TIFA: variants seen among roughly 807,000 people sequenced by gnomAD.
TIFA encodes the protein TRAF-interacting protein with FHA domain-containing protein A.
For synonymous variants in TIFA, 75 were observed against 79.2 expected (o/e 0.95, Z 0.28); for missense variants, 186 against 215.2 (o/e 0.86, Z 0.85).
At chr4:112,281,706 T>C (rs1447769887) in intron 1 of TIFA, 2 of 123,802 alleles carry the variant, frequency 1.6e-5, no homozygotes, top group African/African-American at 3.7e-5. Flanking sequence ...TAAAAGCCAC[T>C]GTGTAGTTCC....
chr4:112,278,093 T>C lies in TIFA; in HGVS notation c.324A>G (p.Lys108=), dbSNP rs756973232. ...CCATGCACCTGTATGGCAGGTCCAT[T>C]TTATTTAGGTAGCCCAGCTCTCTGC... ...VDSRELGYLN[K]MDLPYRCMVR... Residue 108 remains lysine (K), a synonymous_variant, in exon 2 of 2, where the codon AAA becomes AAG. Transcript: ENST00000361717. 4.3e-6 allele frequency: 7 copies of C among 1,613,956 alleles called. No individual in the cohort carries two copies. Among genetic ancestry groups the C allele is most frequent in the Non-Finnish European group, 5.1e-6 (6 of 1,179,984 alleles).
rs1470410169 is a variant in TIFA, at chr4:112,278,009, A to C, written c.408T>G (p.Phe136Leu). Residue 136 changes from phenylalanine (F) to leucine (L), a missense_variant, in exon 2 of 2, where the codon TTT becomes TTG. By Grantham distance (22) the Phe-to-Leu change is conservative. Transcript: ENST00000361717. ...GAGATAAAATAAATTGAGTCTCAAAAAATTCCAATGACTCGCCATCTTCCT... is the reference window on the plus strand; with the variant it reads ...GAGATAAAATAAATTGAGTCTCAAACAATTCCAATGACTCGCCATCTTCCT... ...MEKEDGESLE[F>L]FETQFILSPR... The C allele has an allele frequency of 6.2e-7, 1 of 1,614,056 alleles. No individual in the cohort carries two copies. The highest frequency in any genetic ancestry group is 2.2e-5 in the East Asian group (1 of 44,874).
In TIFA at chr4:112,276,559, C is replaced by CCA. The variant is rs1237346155; in HGVS notation, c.*1301_*1302dup. The CCA allele has an allele frequency of 3.3e-5, 5 of 152,450 alleles. No individual in the cohort carries two copies. Among genetic ancestry groups the CCA allele is most frequent in the Admixed American group, 2.0e-4 (3 of 15,274 alleles). 9.4% of individuals were successfully genotyped at this position (152,450 alleles called of 1,614,324 possible). ...AACAGGAAAACCAGACACAGGAACTCCAACAGTCATTCAGGCCACTTTGTA... is the reference window on the plus strand; with the variant it reads ...AACAGGAAAACCAGACACAGGAACTCCACAACAGTCATTCAGGCCACTTTGTA... On this transcript the variant is annotated 3_prime_UTR_variant, in exon 2 of 2. Coordinates refer to ENST00000361717, the MANE Select transcript of TIFA (RefSeq NM_052864.3).
intron 1 of TIFA, among the ~76,000 whole-genome samples, chr4:112,284,317 A>G (rs4834253): frequency 0.59 from 89,091 of 151,576 alleles, 27,381 homozygotes; most frequent in African/African-American, 0.77. Flanking sequence ...ACACACACGT[A>G]CACACACACT....
intron 1 of TIFA, among the ~76,000 whole-genome samples, chr4:112,280,645 C>A (rs568235325): frequency 1.3e-5 from 2 of 152,192 alleles, no homozygotes; most frequent in African/African-American, 4.8e-5. Context: ...GCCACCGTTC[C>A]CAGCCCTGCT....
Position 112,284,290 on chromosome 4 carries a change from AACACAC to A in TIFA, c.-19+1344_-19+1349del, listed in dbSNP as rs10522966. Among the ~76,000 whole-genome samples, 527 of 149,536 alleles carry A rather than the reference AACACAC, an allele frequency of 3.5e-3. 2 individuals carry two copies. Among genetic ancestry groups the A allele is most frequent in the African/African-American group, 0.011 (463 of 40,816 alleles). ...ACCTCTGCTACCCTCCCTGCAACACAACACACACACACACACACACACACGTACACA... is the reference window on the plus strand; with the variant it reads ...ACCTCTGCTACCCTCCCTGCAACACAACACACACACACACACACGTACACA... On this transcript the variant is annotated intron_variant, in intron 1 of 1. Transcript: ENST00000361717.
chr4:112,284,709 C>T (rs1233543666), intron 1 of TIFA, among the ~76,000 whole-genome samples: 1 of 151,718 alleles, frequency 6.6e-6, no homozygotes, highest in African/African-American at 2.4e-5. Context: ...TAACGAATAC[C>T]GAACACTGAG....
rs1727121838 is a variant in TIFA at position 112,276,702 on chromosome 4, T to C, written c.*1160A>G. ...ACTGACAGTCTGAATCAAGATGAGG[T>C]TTAAAGCCTCTTTTGGTAAGAGGCT... On this transcript the variant is annotated 3_prime_UTR_variant, in exon 2 of 2. Transcript: ENST00000361717. The C allele has an allele frequency of 6.6e-6, 1 of 152,162 alleles. No individual in the cohort carries two copies. Among genetic ancestry groups the C allele is most frequent in the African/African-American group, 2.4e-5 (1 of 41,436 alleles). 9.4% of individuals were successfully genotyped at this position (152,162 alleles called of 1,614,324 possible).
chr4:112,279,866 C>T (rs767948482), intron 1 of TIFA, among the ~76,000 whole-genome samples: 65 of 152,084 alleles, frequency 4.3e-4, no homozygotes, highest in South Asian at 6.2e-4. Flanking sequence ...GGAGTTTTGC[C>T]ATGTTAGCCA....
intron 1 of TIFA, among the ~76,000 whole-genome samples, chr4:112,281,383 G>A (rs1175165140): frequency 6.6e-6 from 1 of 152,096 alleles, no homozygotes; most frequent in East Asian, 1.9e-4. Flanking sequence ...ACCCCATATA[G>A]GTTCTTATAC....
At chr4:112,278,501 C>T (rs760720901) in intron 1 of TIFA, 67 bp from the exon 2 acceptor site, 14 of 1,359,072 alleles carry the variant, frequency 1.0e-5, no homozygotes, top group Admixed American at 8.0e-5. Flanking sequence ...TTGATTCTAA[C>T]GTTTTGATGA....
chr4:112,281,888 A>G (rs1328706269), intron 1 of TIFA: 3 of 152,226 alleles, frequency 2.0e-5, no homozygotes, highest in Non-Finnish European at 4.4e-5. Flanking sequence ...TTGTTACTGC[A>G]CTATATCAGA....
intron 1 of TIFA, among the ~76,000 whole-genome samples, chr4:112,280,377 G>C (rs904280494): frequency 3.8e-5 from 4 of 104,898 alleles, no homozygotes; most frequent in African/African-American, 1.6e-4. Flanking sequence ...TGGAGACAGC[G>C]TCTTGCTGTC....
Position 112,277,759 on chromosome 4 carries a change from C to G in TIFA, c.*103G>C, listed in dbSNP as rs1476652937. 8 of 1,179,096 alleles carry G rather than the reference C, an allele frequency of 6.8e-6. No homozygotes were observed. Among genetic ancestry groups the G allele is most frequent in the Non-Finnish European group, 6.8e-6 (6 of 885,528 alleles). The allele number at this position is 1,179,096 out of a possible 1,614,324, so 73.0% of individuals were successfully genotyped here. A position where few individuals can be genotyped will look rare whatever the true frequency, so the allele number is the denominator to read the frequency against. On this transcript the variant is annotated 3_prime_UTR_variant, in exon 2 of 2. Coordinates refer to ENST00000361717, the MANE Select transcript of TIFA (RefSeq NM_052864.3). The stretch of plus-strand genomic sequence containing the variant: ...CTGAATTCCAAATTTCACAGCATAA[C>G]AGATGACTATAATATACTACCCTAA...
intron 1 of TIFA, among the ~76,000 whole-genome samples, chr4:112,284,039 G>A (rs192103058): frequency 4.6e-5 from 7 of 152,290 alleles, no homozygotes; most frequent in African/African-American, 9.6e-5. Flanking sequence ...ATAAAAATAA[G>A]CACTGCAGTT....
intron 1 of TIFA, among the ~76,000 whole-genome samples, chr4:112,284,161 A>G (rs757911113): frequency 2.6e-5 from 4 of 152,090 alleles, no homozygotes; most frequent in Non-Finnish European, 5.9e-5. Context: ...GGAGGCTTAG[A>G]GTTGGGAAGA....
Position 112,277,819 on chromosome 4 carries a change from G to C in TIFA, c.*43C>G, listed in dbSNP as rs762154366. 270 of 1,524,796 alleles carry C rather than the reference G, an allele frequency of 1.8e-4. No homozygotes were observed. Among genetic ancestry groups the C allele is most frequent in the Non-Finnish European group, 2.2e-4 (251 of 1,136,070 alleles). The allele number at this position is 1,524,796 out of a possible 1,614,324, so 94.5% of individuals were successfully genotyped here. A position where few individuals can be genotyped will look rare whatever the true frequency, so the allele number is the denominator to read the frequency against. ...ATTTAGTGTCTATACAGCATCTACA[G>C]AGCTCTTCATCCATCATATTTCTCC... On this transcript the variant is annotated 3_prime_UTR_variant, in exon 2 of 2. Coordinates refer to ENST00000361717, the MANE Select transcript of TIFA (RefSeq NM_052864.3).
At chr4:112,278,459 A>C (rs894350894) in intron 1 of TIFA, 25 bp from the exon 2 acceptor site, 1 of 1,506,586 alleles carries the variant, frequency 6.6e-7, no homozygotes, top group Non-Finnish European at 8.9e-7. Flanking sequence ...TTACCATGTT[A>C]GTTTCTGCTT....
chr4:112,284,636 T>C (rs1372832556), intron 1 of TIFA, among the ~76,000 whole-genome samples: 3 of 150,298 alleles, frequency 2.0e-5, no homozygotes, highest in South Asian at 2.1e-4. Flanking sequence ...CCCCTGAATA[T>C]ATTCTCAAGA....
Sources: allele counts gnomAD v4.1 joint callset (sites outside exome capture counted in the v4.1 genomes callset), GRCh38; gene constraint gnomAD v4.1.1; transcripts MANE v1.5; gene names NCBI Gene and HGNC (gene_info 2026-07-23, HGNC 2026-07-21).